The following ARHGEF7 variants were observed in gnomAD, a reference collection of about 807,000 sequenced individuals.
ARHGEF7 encodes the protein Rho guanine nucleotide exchange factor 7.
Under a neutral mutation model 109.8 loss-of-function variants are expected in ARHGEF7, and 33 were observed. The observed-to-expected ratio is 0.30, with a 90% CI of 0.23 to 0.40. ARHGEF7 has a LOEUF of 0.40. Ranked by LOEUF, ARHGEF7 falls within the 10% of genes least tolerant of loss-of-function variation. ARHGEF7 has a pLI of 1.00. For missense variants in ARHGEF7, 938 were observed against 1,098.5 expected (o/e 0.85, Z 2.07); for synonymous variants, 458 against 424.6 (o/e 1.08, Z -0.97).
At chr13:111,116,250 C>G (rs904725692) in intron 1 of ARHGEF7, 5 of 152,744 alleles carry the variant, frequency 3.3e-5, no homozygotes, top group Non-Finnish European at 7.3e-5. Flanking sequence ...CTATCCGAGC[C>G]GAGAGGACGG....
At chr13:111,265,502 G>T in intron 8 of ARHGEF7, 1 of 454,164 alleles carries the variant, frequency 2.2e-6, no homozygotes, top group South Asian at 1.6e-5. Flanking sequence ...TAGCCGCGGA[G>T]CGGAAAGCAG....
chr13:111,235,803 T>A (rs1254146813), intron 6 of ARHGEF7, among the ~76,000 whole-genome samples: 2 of 152,212 alleles, frequency 1.3e-5, no homozygotes, highest in Admixed American at 6.5e-5. Flanking sequence ...CTACACCCCC[T>A]TTTGTAGTTT....
intron 4 of ARHGEF7, among the ~76,000 whole-genome samples, chr13:111,214,123 G>A (rs1191797099): frequency 1.3e-5 from 2 of 152,128 alleles, no homozygotes; most frequent in Non-Finnish European, 2.9e-5. Flanking sequence ...TCTCTTAGAC[G>A]CCGCCCTTTC....
At chr13:111,213,420 A>G (rs1028267298) in intron 4 of ARHGEF7, among the ~76,000 whole-genome samples, 1 of 152,206 alleles carries the variant, frequency 6.6e-6, no homozygotes, top group African/African-American at 2.4e-5. Flanking sequence ...GTATTGCATG[A>G]TGAAGTTTTA....
intron 6 of ARHGEF7, among the ~76,000 whole-genome samples, chr13:111,236,951 A>G (rs368271335): frequency 1.3e-5 from 2 of 152,312 alleles, no homozygotes; most frequent in East Asian, 3.9e-4. Flanking sequence ...GAGCTACAGA[A>G]CAAGATTGTG....
At position 111,252,313 on chromosome 13, in the gene ARHGEF7, G is replaced by A. The variant is rs575798343; in HGVS notation, c.950+8019G>A. On this transcript the variant is annotated intron_variant, in intron 8 of 21. Coordinates refer to ENST00000646102, the MANE Select transcript of ARHGEF7 (RefSeq NM_001354046.2). The stretch of plus-strand genomic sequence containing the variant: ...CATGCATAATTAGGGCCAGGATTGA[G>A]GGCCTGCCTCTAGTTAAGATAAGAT... 1.2e-3 allele frequency among the ~76,000 whole-genome samples: 183 copies of A among 152,312 alleles called. 2 individuals carry two copies. Among genetic ancestry groups the A allele is most frequent in the Non-Finnish European group, 2.2e-3 (152 of 68,024 alleles).
At chr13:111,158,117 G>T (rs571750855) in intron 2 of ARHGEF7, among the ~76,000 whole-genome samples, 3 of 152,294 alleles carry the variant, frequency 2.0e-5, no homozygotes, top group Admixed American at 2.0e-4. Context: ...TAAAGCTATG[G>T]ATTTTAACTT....
At chr13:111,289,203 T>C (rs1238232576) in intron 18 of ARHGEF7, among the ~76,000 whole-genome samples, 1 of 152,172 alleles carries the variant, frequency 6.6e-6, no homozygotes, top group Non-Finnish European at 1.5e-5. Context: ...GGCTAATTTT[T>C]TTGTGTTTTT....
intron 13 of ARHGEF7, among the ~76,000 whole-genome samples, chr13:111,279,929 C>A (rs1380536076): frequency 6.6e-6 from 1 of 152,168 alleles, no homozygotes; most frequent in Non-Finnish European, 1.5e-5. Flanking sequence ...TCATTTAAAA[C>A]AACTGTTATA....
At chr13:111,150,406 T>C (rs942690556) in intron 1 of ARHGEF7, among the ~76,000 whole-genome samples, 3 of 152,368 alleles carry the variant, frequency 2.0e-5, no homozygotes, top group Middle Eastern at 3.4e-3. Flanking sequence ...GGTTTTTGTT[T>C]GTGGGTTCTA....
At chr13:111,241,288 G>C (rs1435248776) in intron 6 of ARHGEF7, 2 of 1,536,088 alleles carry the variant, frequency 1.3e-6, no homozygotes, top group East Asian at 2.4e-5. Flanking sequence ...GTCTCATGGG[G>C]TCCTGCAGCA....
chr13:111,179,345 A>G (rs1211352743), intron 2 of ARHGEF7, among the ~76,000 whole-genome samples: 1 of 152,092 alleles, frequency 6.6e-6, no homozygotes, highest in Non-Finnish European at 1.5e-5. Context: ...TGGCCACCCG[A>G]AGTGCTGGGA....
At chr13:111,177,102 G>A (rs750424429) in intron 2 of ARHGEF7, among the ~76,000 whole-genome samples, 2 of 152,230 alleles carry the variant, frequency 1.3e-5, no homozygotes, top group Non-Finnish European at 2.9e-5. Flanking sequence ...TGTGCTAGGC[G>A]TGGTTCCAGT....
intron 9 of ARHGEF7, 105 bp downstream of exon 9, chr13:111,267,775 G>T: frequency 7.2e-7 from 1 of 1,393,530 alleles, no homozygotes; most frequent in African/African-American, 1.5e-5. Flanking sequence ...TTATTAAAGG[G>T]TATGAATTTT....
At chr13:111,165,803 TG>T (rs1213742752) in intron 2 of ARHGEF7, among the ~76,000 whole-genome samples, 3 of 151,992 alleles carry the variant, frequency 2.0e-5, no homozygotes, top group Admixed American at 2.0e-4. Flanking sequence ...GAAACCAGAG[TG>T]GATGGCCTCA....
Position 111,280,273 on chromosome 13 carries a change from G to T in ARHGEF7, c.1508G>T (p.Gly503Val). The change falls in exon 14 of 22, where the codon GGA (glycine) becomes GTA (valine). Residue 503 changes from glycine (G) to valine (V), a missense_variant and splice_region_variant. Gly to Val is a moderately radical substitution (Grantham distance 109). This residue lies in a region of ARHGEF7 where 585 missense variants were observed against 723.6 expected (regional missense o/e 0.81). Transcript: ENST00000646102. ...SPRMSGFIYQ[G>V]KLPTTGMTIT... ...TTTGTGGGGGGGGGTCTTTTTTAGG[G>T]AAAGCTTCCAACGACAGGAATGACA... 3 of 1,608,976 alleles carry T rather than the reference G, an allele frequency of 1.9e-6. No individual in the cohort carries two copies. Among genetic ancestry groups the T allele is most frequent in the Non-Finnish European group, 2.5e-6 (3 of 1,178,250 alleles).
In ARHGEF7 at chr13:111,282,276, C is replaced by T. The variant is rs567995623; in HGVS notation, c.1726-863C>T. On this transcript the variant is annotated intron_variant, in intron 15 of 21. Coordinates refer to ENST00000646102, the MANE Select transcript of ARHGEF7 (RefSeq NM_001354046.2). Reference sequence around the variant, plus strand: ...ACTCCGTTTCCAGTTCACAGCGCCACACAGCTTGTTCTCCCATTAAATGCA... The same window carrying T: ...ACTCCGTTTCCAGTTCACAGCGCCATACAGCTTGTTCTCCCATTAAATGCA... Among the ~76,000 whole-genome samples the T allele has an allele frequency of 2.0e-3, 312 of 152,312 alleles. 4 individuals are homozygous for T. Among genetic ancestry groups the T allele is most frequent in the Non-Finnish European group, 2.1e-3 (145 of 68,030 alleles).
chr13:111,192,726 C>CCT (rs59702462), intron 2 of ARHGEF7, among the ~76,000 whole-genome samples: 152,315 of 152,318 alleles, frequency 1, 76,156 homozygotes, highest in Non-Finnish European at 1. Flanking sequence ...GGAAGGGTAC[C>CCT]GAGTTACCAC....
chr13:111,154,208 G>A (rs1326542954), intron 2 of ARHGEF7, among the ~76,000 whole-genome samples: 1 of 152,256 alleles, frequency 6.6e-6, no homozygotes. Context: ...GCAGGGTGGA[G>A]TCTGCGTGTG....
Sources: allele counts gnomAD v4.1 joint callset (sites outside exome capture counted in the v4.1 genomes callset), GRCh38; gene constraint gnomAD v4.1.1; regional missense constraint gnomAD v4.1.1; transcripts MANE v1.5; gene names NCBI Gene and HGNC (gene_info 2026-07-23, HGNC 2026-07-21).